Variants in PTPRZ1 observed in about 807,000 individuals in gnomAD.
PTPRZ1 encodes receptor-type tyrosine-protein phosphatase zeta.
A neutral mutation model predicts 214.1 loss-of-function variants in PTPRZ1; 82 were observed. The ratio of observed to expected loss-of-function variants is 0.38; its 90% confidence interval spans 0.32 to 0.46. The LOEUF (loss-of-function observed/expected upper bound fraction) is 0.46. PTPRZ1 is among the 20% of genes least tolerant of loss of function. PTPRZ1 has a pLI of 1.00. For synonymous variants in PTPRZ1, 945 were observed against 987.9 expected (o/e 0.96, Z 0.81); for missense variants, 2,603 against 2,748.7 (o/e 0.95, Z 1.19).
At chr7:121,908,360 T>G in intron 1 of PTPRZ1, 4 of 252,906 alleles carry the variant, frequency 1.6e-5, no homozygotes, top group Non-Finnish European at 3.1e-5. Context: ...GATCAATCCC[T>G]TTGGAAAAGA....
rs1798731811 is a variant in PTPRZ1 at position 122,013,134 on chromosome 7, C to G, written c.4088C>G (p.Thr1363Ser). ...PTVASDTFVS[T>S]DHSVPIGNGH... Reference sequence around the variant, plus strand: ...GTTGCTTCTGATACATTTGTATCTACTGATCATTCTGTTCCTATAGGAAAT... The same window carrying G: ...GTTGCTTCTGATACATTTGTATCTAGTGATCATTCTGTTCCTATAGGAAAT... The change falls in exon 12 of 30, where the codon ACT (threonine) becomes AGT (serine). Residue 1363 changes from threonine to serine, a missense_variant. Coordinates refer to ENST00000393386, the MANE Select transcript of PTPRZ1 (RefSeq NM_002851.3). 1 of 1,613,868 alleles carries G rather than the reference C, an allele frequency of 6.2e-7. No individual in the cohort carries two copies. Among genetic ancestry groups the G allele is most frequent in the Admixed American group, 1.7e-5 (1 of 59,998 alleles).
At chr7:121,911,423 ATAAAG>A (rs1795273841) in intron 1 of PTPRZ1, among the ~76,000 whole-genome samples, 1 of 152,114 alleles carries the variant, frequency 6.6e-6, no homozygotes, top group African/African-American at 2.4e-5. Flanking sequence ...TTTTTGTGAA[ATAAAG>A]TCCTTTTTTC....
intron 1 of PTPRZ1, among the ~76,000 whole-genome samples, chr7:121,880,081 T>G (rs1057436003): frequency 6.6e-6 from 1 of 152,202 alleles, no homozygotes; most frequent in African/African-American, 2.4e-5. Flanking sequence ...AACAAAATTT[T>G]TAAAGTATGA....
chr7:122,011,912 G>T lies in PTPRZ1; in HGVS notation c.2866G>T (p.Val956Leu). The T allele has an allele frequency of 6.2e-7, 1 of 1,614,224 alleles. No homozygotes were observed. Among genetic ancestry groups the T allele is most frequent in the Non-Finnish European group, 8.5e-7 (1 of 1,180,038 alleles). Residue 956 changes from valine (V) to leucine (L), a missense_variant, in exon 12 of 30, where the codon GTA becomes TTA. Transcript: ENST00000393386. ...AATACCTGTGCATGATTCTGTGGGT[G>T]TAACTTATCAGGGTTCCTTATTTAG... ...SAIPVHDSVG[V>L]TYQGSLFSGP...
chr7:122,038,935 G>A, intron 19 of PTPRZ1, 46 bp downstream of exon 19: 1 of 1,598,318 alleles, frequency 6.3e-7, no homozygotes, highest in South Asian at 1.1e-5. Context: ...GTAATTAGAG[G>A]TACTTTAAAT....
intron 2 of PTPRZ1, among the ~76,000 whole-genome samples, chr7:121,950,689 T>C (rs1796521406): frequency 6.6e-6 from 1 of 152,220 alleles, no homozygotes; most frequent in East Asian, 1.9e-4. Context: ...ACAATCCTTA[T>C]TAGATTACCT....
At chr7:121,946,431 A>G (rs1796376254) in intron 2 of PTPRZ1, among the ~76,000 whole-genome samples, 1 of 152,114 alleles carries the variant, frequency 6.6e-6, no homozygotes, top group Non-Finnish European at 1.5e-5. Context: ...TACTCCCTAT[A>G]CTAATCCTAA....
intron 8 of PTPRZ1, among the ~76,000 whole-genome samples, chr7:121,986,310 T>G (rs781214064): frequency 7.2e-5 from 11 of 152,152 alleles, no homozygotes; most frequent in Non-Finnish European, 1.2e-4. Flanking sequence ...AGGAATGGAG[T>G]CAGTATTTGA....
intron 1 of PTPRZ1, among the ~76,000 whole-genome samples, chr7:121,885,920 GTCTC>G (rs2116188060): frequency 6.6e-6 from 1 of 152,282 alleles, no homozygotes; most frequent in East Asian, 1.9e-4. Context: ...CAGCCAAATA[GTCTC>G]TCTGCTAATG....
intron 1 of PTPRZ1, among the ~76,000 whole-genome samples, chr7:121,905,655 AC>A (rs1022518461): frequency 5.9e-5 from 9 of 151,762 alleles, no homozygotes; most frequent in Non-Finnish European, 1.0e-4. Context: ...TTCTTTACAC[AC>A]ACACACACAC....
At chr7:122,041,039 T>A in intron 21 of PTPRZ1, 60 bp downstream of exon 21, 2 of 1,350,434 alleles carry the variant, frequency 1.5e-6, no homozygotes, top group Non-Finnish European at 1.9e-6. Context: ...AAAAAGGAAA[T>A]CAATGGAACA....
At chr7:121,981,906 T>C (rs1431298043) in intron 6 of PTPRZ1, among the ~76,000 whole-genome samples, 2 of 152,220 alleles carry the variant, frequency 1.3e-5, no homozygotes, top group Non-Finnish European at 2.9e-5. Context: ...GATTGTCATA[T>C]ACTAAATTTT....
intron 1 of PTPRZ1, among the ~76,000 whole-genome samples, chr7:121,920,501 A>T (rs535845729): frequency 2.8e-4 from 42 of 152,032 alleles, no homozygotes; most frequent in African/African-American, 9.4e-4. Context: ...ATATACGTTG[A>T]TATTTTTGTC....
At position 122,038,974 on chromosome 7, in the gene PTPRZ1, G is replaced by C. The variant is rs143146238; in HGVS notation, c.5502+85G>C. On this transcript the variant is annotated intron_variant, in intron 19 of 29. Transcript: ENST00000393386. The stretch of plus-strand genomic sequence containing the variant: ...TTTTAATAGAGTCAGCATTAGGAAG[G>C]AGCCAAAGTTTTGAGAGTTATTTGG... 1.2e-3 allele frequency: 1,730 copies of C among 1,430,018 alleles called. 14 individuals are homozygous for C. The African/African-American group carries it at 0.022, about 18-fold the overall frequency. The allele number at this position is 1,430,018 out of a possible 1,614,324, so 88.6% of individuals were successfully genotyped here.
In PTPRZ1 at chr7:122,019,262, A is replaced by G; in HGVS notation, c.4982A>G (p.Tyr1661Cys). The part of the protein sequence containing the change: ...CLVVLVGILI[Y>C]WRKCFQTAHF... The stretch of plus-strand genomic sequence containing the variant: ...GTGGTTCTTGTGGGTATTCTCATCT[A>G]CTGGAGGTAAGTTGAGTATTTGTTT... Residue 1661 changes from tyrosine to cysteine, a missense_variant, in exon 13 of 30, where the codon TAC becomes TGC. By Grantham distance (194) the Tyr-to-Cys change is radical. Coordinates refer to ENST00000393386, the MANE Select transcript of PTPRZ1 (RefSeq NM_002851.3). 6.2e-7 allele frequency: 1 copy of G among 1,610,732 alleles called. No individual in the cohort carries two copies. The highest frequency in any genetic ancestry group is 8.5e-7 in the Non-Finnish European group (1 of 1,178,058).
chr7:121,876,322 A>C (rs10247917), intron 1 of PTPRZ1, among the ~76,000 whole-genome samples: 4,461 of 152,292 alleles, frequency 0.029, 101 homozygotes, highest in African/African-American at 0.067. Context: ...AGAGCTTTTA[A>C]GGAATAATTT....
chr7:121,917,441 A>G, intron 1 of PTPRZ1, among the ~76,000 whole-genome samples: 1 of 152,226 alleles, frequency 6.6e-6, no homozygotes, highest in East Asian at 1.9e-4. Flanking sequence ...AGATAGCATC[A>G]GAAAACAAGT....
chr7:121,873,673 G>T, intron 1 of PTPRZ1, 116 bp downstream of exon 1: 1 of 1,304,204 alleles, frequency 7.7e-7, no homozygotes, highest in East Asian at 2.4e-5. Context: ...GGAGGAAAAA[G>T]GGACAGCCAA....
intron 10 of PTPRZ1, among the ~76,000 whole-genome samples, chr7:121,998,258 A>T (rs1015620925): frequency 6.6e-6 from 1 of 152,152 alleles, no homozygotes; most frequent in Non-Finnish European, 1.5e-5. Flanking sequence ...GACTAAACAT[A>T]TTTATAACAT....
Sources: allele counts gnomAD v4.1 joint callset (sites outside exome capture counted in the v4.1 genomes callset), GRCh38; gene constraint gnomAD v4.1.1; transcripts MANE v1.5; gene names NCBI Gene and HGNC (gene_info 2026-07-23, HGNC 2026-07-21).